NBPF26: variants seen among roughly 807,000 people sequenced by gnomAD.
NBPF26 encodes NBPF family member NBPF26.
In NBPF26, 79 loss-of-function variants were observed where a neutral mutation model predicts 119.6. The observed-to-expected ratio is 0.66, with a 90% CI of 0.55 to 0.80. The LOEUF (loss-of-function observed/expected upper bound fraction) is 0.80. Among genes scored for constraint, NBPF26 ranks in the 30% least tolerant of loss-of-function variants. The probability of loss-of-function intolerance (pLI) is 0.00; values close to 1 mark genes in which losing one functional copy is unlikely to be tolerated. For synonymous variants in NBPF26, 299 were observed against 457.7 expected, an observed-to-expected ratio of 0.65 and a Z score of 4.43; for missense variants, 800 against 1,198.2, an observed-to-expected ratio of 0.67 and a Z score of 4.91.
In NBPF26 at chr1:120,805,475, C is replaced by T. The variant is rs1486164733; in HGVS notation, c.752-81C>T. 1.9e-5 allele frequency: 26 copies of T among 1,358,456 alleles called. 8 individuals are homozygous for T. Among genetic ancestry groups the T allele is most frequent in the Admixed American group, 7.6e-5 (4 of 52,944 alleles). The allele number at this position is 1,358,456 out of a possible 1,614,324, so 84.2% of individuals were successfully genotyped here. A position where few individuals can be genotyped will look rare whatever the true frequency, so the allele number is the denominator to read the frequency against. On this transcript the variant is annotated intron_variant, in intron 4 of 29. Transcript: ENST00000620612. The stretch of plus-strand genomic sequence containing the variant: ...AACAGTAAGGTAAGAATTTCAGTTA[C>T]TGACATCCCTCAGTCCTGATTAAAC...
In NBPF26 at chr1:120,807,938, G is replaced by C. The variant is rs1406242126; in HGVS notation, c.1064+229G>C. 1.6e-5 allele frequency among the ~76,000 whole-genome samples: 2 copies of C among 121,434 alleles called. 1 individual carries two copies. The highest frequency in any genetic ancestry group is 1.6e-4 in the Admixed American group (2 of 12,468). 79.7% of individuals were successfully genotyped at this position (121,434 alleles called of 152,430 possible). A position where few individuals can be genotyped will look rare whatever the true frequency, so the allele number is the denominator to read the frequency against. ...TTTTCTCTTTTTCAAACAAGTAATT[G>C]TTGATGTGAAATTTACATAACACAA... On this transcript the variant is annotated intron_variant, in intron 6 of 29. Coordinates refer to ENST00000620612, the Ensembl canonical transcript of NBPF26.
chr1:120,752,556 T>TATATATA (rs1651033843), intron 1 of NBPF26, among the ~76,000 whole-genome samples: 1 of 8,160 alleles, frequency 1.2e-4, no homozygotes, highest in African/African-American at 1.4e-3. Context: ...ATATATATAT[T>TATATATA]TTTTTTTTTT....
At chr1:120,802,557 A>G (rs1452850952) in intron 4 of NBPF26, among the ~76,000 whole-genome samples, 1 of 123,194 alleles carries the variant, frequency 8.1e-6, no homozygotes, top group Non-Finnish European at 1.6e-5. Context: ...TGGAAGCCCT[A>G]GTTTCAAATT....
exon 1 of NBPF26, chr1:120,724,035 G>A: frequency 8.0e-7 from 1 of 1,252,200 alleles, no homozygotes; most frequent in Non-Finnish European, 1.0e-6. Flanking sequence ...GGGCTTCGGA[G>A]CGTAGCGCCA....
exon 5 of NBPF26, chr1:120,805,702 C>G: frequency 6.9e-7 from 1 of 1,455,766 alleles, no homozygotes; most frequent in Middle Eastern, 2.2e-4. Flanking sequence ...GTTGAGAAAC[C>G]TCAAAGAGAA....
At chr1:120,765,469 T>C (rs1252666486) in intron 2 of NBPF26, among the ~76,000 whole-genome samples, 2 of 64,554 alleles carry the variant, frequency 3.1e-5, no homozygotes, top group East Asian at 5.7e-4. Context: ...AATGTGTTTC[T>C]TAAACTAAAA....
In NBPF26 at chr1:120,724,225, G is replaced by A. The variant is rs2101331784; in HGVS notation, c.48G>A (p.Trp16Ter). Residue 16 changes from tryptophan to a stop codon, truncating the protein, a stop_gained, in exon 1 of 30, where the codon TGG becomes TGA. Coordinates refer to ENST00000620612, the Ensembl canonical transcript of NBPF26. LOFTEE classifies it high-confidence loss of function. Reference sequence around the variant, plus strand: ...TGCTGTGGGCGCTGCTGGCGCTCTGGCTGTGCTGGGCGGCCCCCGCGCATG... The same window carrying A: ...TGCTGTGGGCGCTGCTGGCGCTCTGACTGTGCTGGGCGGCCCCCGCGCATG... 14 of 1,405,108 alleles carry A rather than the reference G, an allele frequency of 1.0e-5. 3 individuals carry two copies. The South Asian group carries it at 1.6e-4, about 16-fold the overall frequency. The allele number at this position is 1,405,108 out of a possible 1,614,324, so 87.0% of individuals were successfully genotyped here. A position where few individuals can be genotyped will look rare whatever the true frequency, so the allele number is the denominator to read the frequency against.
chr1:120,819,395 C>T lies in NBPF26; in HGVS notation c.2423+1221C>T, dbSNP rs1204800713. The stretch of plus-strand genomic sequence containing the variant: ...TGTCTCTGCATGTGAGATGGGTTTC[C>T]TGAGTACAGCACACTGATGGGTCTT... On this transcript the variant is annotated intron_variant, in intron 15 of 29. Transcript: ENST00000620612. 3.6e-5 allele frequency among the ~76,000 whole-genome samples: 4 copies of T among 110,216 alleles called. 1 individual carries two copies. The highest frequency in any genetic ancestry group is 2.2e-4 in the African/African-American group (4 of 18,548). The allele number at this position is 110,216 out of a possible 152,430, so 72.3% of individuals were successfully genotyped here. A position where few individuals can be genotyped will look rare whatever the true frequency, so the allele number is the denominator to read the frequency against.
intron 4 of NBPF26, among the ~76,000 whole-genome samples, chr1:120,801,635 G>A (rs1171543140): frequency 9.6e-6 from 1 of 104,074 alleles, no homozygotes; most frequent in South Asian, 2.8e-4. Context: ...TTCAAAACCA[G>A]CCTGAGCAAC....
At chr1:120,783,038 AG>A (rs1294437247) in intron 2 of NBPF26, among the ~76,000 whole-genome samples, 846 of 63,168 alleles carry the variant, frequency 0.013, 40 homozygotes, top group Admixed American at 0.07. Context: ...AGGGAAGTTT[AG>A]TACCTTGCCC....
chr1:120,805,461 A>G, intron 4 of NBPF26, 95 bp from the exon 5 acceptor site: 2 of 1,385,922 alleles, frequency 1.4e-6, no homozygotes, highest in Non-Finnish European at 2.0e-6. Context: ...ACAGTAAGGT[A>G]AGAATTTCAG....
At chr1:120,784,668 T>TC (rs1280070091) in intron 2 of NBPF26, among the ~76,000 whole-genome samples, 1 of 118,730 alleles carries the variant, frequency 8.4e-6, no homozygotes, top group Non-Finnish European at 1.6e-5. Flanking sequence ...TAATTTTTTT[T>TC]CACAGCACTT....
At chr1:120,840,383 T>A (rs78203364) in exon 30 of NBPF26, 1 of 1,452,668 alleles carries the variant, frequency 6.9e-7, no homozygotes, top group Non-Finnish European at 9.2e-7. Context: ...TGGAAGAGCC[T>A]GAAGTCTTGC....
rs1650826856 is a variant in NBPF26 at position 120,727,348 on chromosome 1, C to G, written c.73+3098C>G. On this transcript the variant is annotated intron_variant, in intron 1 of 29. Transcript: ENST00000620612. ...AGGTCTTTCTAAATTTAAGAAATTT[C>G]CATAACAAATGTAACCTTAGTCATT... is the stretch of plus-strand genomic sequence containing the variant. Among the ~76,000 whole-genome samples, 4 of 111,810 alleles carry G rather than the reference C, an allele frequency of 3.6e-5. 2 individuals are homozygous for G. Among genetic ancestry groups the G allele is most frequent in the Admixed American group, 3.4e-4 (4 of 11,612 alleles). The allele number at this position is 111,810 out of a possible 152,430, so 73.4% of individuals were successfully genotyped here.
chr1:120,808,090 C>A (rs1369322961), intron 6 of NBPF26, among the ~76,000 whole-genome samples: 1 of 119,608 alleles, frequency 8.4e-6, no homozygotes, highest in East Asian at 2.0e-4. Context: ...TTCTTTCACT[C>A]AATCAATGTT....
chr1:120,778,430 C>T lies in NBPF26; in HGVS notation c.156-6544C>T, dbSNP rs1169758870. Among the ~76,000 whole-genome samples the T allele has an allele frequency of 4.5e-5, 5 of 111,456 alleles. 2 individuals carry two copies. Among genetic ancestry groups the T allele is most frequent in the African/African-American group, 1.7e-4 (3 of 17,538 alleles). The allele number at this position is 111,456 out of a possible 152,430, so 73.1% of individuals were successfully genotyped here. ...CTTTAATGAGGAGCAGCTTCAGTGC[C>T]GACGCAACCCACATGAGACTTTTTT... On this transcript the variant is annotated intron_variant, in intron 2 of 29. Coordinates refer to ENST00000620612, the Ensembl canonical transcript of NBPF26.
At chr1:120,817,864 A>T (rs1319970371) in intron 14 of NBPF26, among the ~76,000 whole-genome samples, 3 of 110,348 alleles carry the variant, frequency 2.7e-5, no homozygotes, top group Non-Finnish European at 3.4e-5. Context: ...TGGGGAAAAA[A>T]TTTTGTTTAA....
Position 120,807,038 on chromosome 1 carries a change from A to C in NBPF26, c.962-569A>C, listed in dbSNP as rs1254810744. Among the ~76,000 whole-genome samples, 34 of 130,390 alleles carry C rather than the reference A, an allele frequency of 2.6e-4. 1 individual carries two copies. In the South Asian group the frequency reaches 5.0e-3, roughly 19 times the overall value. The allele number at this position is 130,390 out of a possible 152,430, so 85.5% of individuals were successfully genotyped here. On this transcript the variant is annotated intron_variant, in intron 5 of 29. Transcript: ENST00000620612. The stretch of plus-strand genomic sequence containing the variant: ...AATCTTAATGCTGCCTCTCATACTA[A>C]TAAAGTATTTGGGCATATTTCCTTC...
At position 120,802,441 on chromosome 1, in the gene NBPF26, T is replaced by G; in HGVS notation, c.752-3115T>G. On this transcript the variant is annotated intron_variant, in intron 4 of 29. Transcript: ENST00000620612. ...AGAAACTGTTGAGTGAACCTAGAAG[T>G]AAAGGAGATCTGGCTTGCTGGACTC... is the stretch of plus-strand genomic sequence containing the variant. Among the ~76,000 whole-genome samples, 2 of 126,186 alleles carry G rather than the reference T, an allele frequency of 1.6e-5. 1 individual carries two copies. The highest frequency in any genetic ancestry group is 3.2e-5 in the Non-Finnish European group (2 of 61,566). 82.8% of individuals were successfully genotyped at this position (126,186 alleles called of 152,430 possible).
Sources: allele counts gnomAD v4.1 joint callset (sites outside exome capture counted in the v4.1 genomes callset), GRCh38; gene constraint gnomAD v4.1.1; transcripts MANE v1.5; gene names NCBI Gene and HGNC (gene_info 2026-07-23, HGNC 2026-07-21).